Variants in ZNF14 observed in about 807,000 individuals in gnomAD.
The protein encoded by ZNF14 is gonadotropin inducible transcription repressor-4.
Under a neutral mutation model 11.3 loss-of-function variants are expected in ZNF14, and 9 were observed. The ratio of observed to expected loss-of-function variants is 0.80; its 90% CI spans 0.48 to 1.39. The LOEUF is 1.39. Among genes scored for constraint, ZNF14 ranks in the 40% most tolerant of loss-of-function variants. ZNF14 has a pLI of 0.00. For synonymous variants in ZNF14, 239 were observed against 245.7 expected, an observed-to-expected ratio of 0.97 and a Z score of 0.25; for missense variants, 711 against 763.9, an observed-to-expected ratio of 0.93 and a Z score of 0.82.
At chr19:19,714,809 T>C (rs1051507104) in intron 1 of ZNF14, among the ~76,000 whole-genome samples, 1 of 149,678 alleles carries the variant, frequency 6.7e-6, no homozygotes, top group African/African-American at 2.5e-5. Flanking sequence ...CCTCTGGAGC[T>C]CAAATGATTC....
rs2062366147 is a variant in ZNF14, at chr19:19,712,855, T to A, written c.426A>T (p.Lys142Asn). Residue 142 changes from lysine to asparagine, a missense_variant, in exon 4 of 4, where the codon AAA becomes AAT. Transcript: ENST00000344099. Reference sequence around the variant, plus strand: ...TGAAGGTTTTCCCAACTGCTTTACATTTACATGGTTGCTTTTCATATTCCT... The same window carrying A: ...TGAAGGTTTTCCCAACTGCTTTACAATTACATGGTTGCTTTTCATATTCCT... ...EYQEYEKQPCKCKAVGKTFSY... is the reference protein window; with the variant it reads ...EYQEYEKQPCNCKAVGKTFSY... 3.1e-6 allele frequency: 5 copies of A among 1,614,068 alleles called. No homozygotes were observed. In the East Asian group the frequency reaches 1.1e-4, roughly 36 times the overall value.
chr19:19,729,935 A>C (rs1223852085), intron 1 of ZNF14, among the ~76,000 whole-genome samples: 1 of 152,214 alleles, frequency 6.6e-6, no homozygotes, highest in East Asian at 1.9e-4. Flanking sequence ...AAACTGAATG[A>C]ACAGACACAG....
rs1469120610 is a variant in ZNF14 at position 19,714,064 on chromosome 19, C to A, written c.191+27G>T. 3 of 1,606,304 alleles carry A rather than the reference C, an allele frequency of 1.9e-6. No homozygotes were observed. The Middle Eastern group carries it at 5.0e-4, about 266-fold the overall frequency. On this transcript the variant is annotated intron_variant, in intron 3 of 3. Coordinates refer to ENST00000344099, the MANE Select transcript of ZNF14 (RefSeq NM_021030.3). The stretch of plus-strand genomic sequence containing the variant: ...TTTCTTTTGAAATTCCCCCACGGGC[C>A]ACTATTTTTCTGTGGATGCAACTCA...
chr19:19,711,215 C>A lies in ZNF14; in HGVS notation c.*137G>T. ...TGTTTCTCACCAGTGGGAATTCTTT[C>A]GTGCTCAAAAGAAACTGGAACAATT... On this transcript the variant is annotated 3_prime_UTR_variant, in exon 4 of 4. Transcript: ENST00000344099. 2 of 956,260 alleles carry A rather than the reference C, an allele frequency of 2.1e-6. No homozygotes were observed. Among genetic ancestry groups the A allele is most frequent in the Non-Finnish European group, 3.0e-6 (2 of 677,896 alleles). 59.2% of individuals were successfully genotyped at this position (956,260 alleles called of 1,614,324 possible).
rs897991334 is a variant in ZNF14, at chr19:19,728,915, C to G, written c.3+4041G>C. On this transcript the variant is annotated intron_variant, in intron 1 of 3. Transcript: ENST00000344099. ...AAACTTATTTGACAGAACCACAATT[C>G]TTTGACAGAACTAAAAAAATCCTCA... Among the ~76,000 whole-genome samples, 8 of 152,100 alleles carry G rather than the reference C, an allele frequency of 5.3e-5. No homozygotes were observed. In the East Asian group the frequency reaches 1.5e-3, roughly 29 times the overall value.
chr19:19,713,205 C>T (rs1393486683), intron 3 of ZNF14, 116 bp from the exon 4 acceptor site: 2 of 959,524 alleles, frequency 2.1e-6, no homozygotes, highest in East Asian at 5.3e-5. Flanking sequence ...TCTGCCCTGT[C>T]TGAATTGTTT....
At chr19:19,727,477 A>AACTACTACAACAACTACTACT (rs2062409550) in intron 1 of ZNF14, among the ~76,000 whole-genome samples, 1 of 131,576 alleles carries the variant, frequency 7.6e-6, no homozygotes, top group African/African-American at 2.8e-5. Context: ...CAGATACAAC[A>AACTACTACAACAACTACTACT]ACTACTACTA....
chr19:19,711,904 T>C lies in ZNF14; in HGVS notation c.1377A>G (p.Ser459=), dbSNP rs751193992. 1.2e-6 allele frequency: 2 copies of C among 1,613,860 alleles called. No individual in the cohort carries two copies. The highest frequency in any genetic ancestry group is 3.3e-5 in the Admixed American group (2 of 59,994). The change falls in exon 4 of 4, where the codon TCA becomes TCG. Residue 459 remains serine, a synonymous_variant. Transcript: ENST00000344099. Reference sequence around the variant, plus strand: ...ACCTTTCATGAATTCGAAAATAACTTGAACACCTGAAGGCTTTCCCACACT... The same window carrying C: ...ACCTTTCATGAATTCGAAAATAACTCGAACACCTGAAGGCTTTCCCACACT... The part of the protein sequence containing the change: ...CKQCGKAFRC[S]SYFRIHERSH...
Position 19,730,278 on chromosome 19 carries a change from C to T in ZNF14, c.3+2678G>A, listed in dbSNP as rs369898134. Among the ~76,000 whole-genome samples, 41 of 152,120 alleles carry T rather than the reference C, an allele frequency of 2.7e-4. 1 individual carries two copies. In the South Asian group the frequency reaches 5.8e-3, roughly 22 times the overall value. ...CTTACCTCAGGTGATCCGCCCGCCT[C>T]GGCCTCCCAAAGTGCTGGGATTACA... On this transcript the variant is annotated intron_variant, in intron 1 of 3. Transcript: ENST00000344099.
At chr19:19,728,515 C>CAAAAAAAA (rs56355771) in intron 1 of ZNF14, among the ~76,000 whole-genome samples, 2 of 53,896 alleles carry the variant, frequency 3.7e-5, no homozygotes, top group Non-Finnish European at 6.8e-5. Context: ...AACTCCGTCT[C>CAAAAAAAA]AAAAAAAAAA....
At chr19:19,725,502 C>T (rs1737261591) in intron 1 of ZNF14, among the ~76,000 whole-genome samples, 1 of 133,698 alleles carries the variant, frequency 7.5e-6, no homozygotes, top group African/African-American at 2.8e-5. Context: ...CTCTGGCTGC[C>T]CTTAACATTT....
Position 19,725,274 on chromosome 19 carries a change from G to C in ZNF14, c.3+7682C>G, listed in dbSNP as rs1045930279. ...CAGGAGCTCTTTTAGGGCAGGCCTG[G>C]TGGTGACAAAATCTCTCAGCATTTG... On this transcript the variant is annotated intron_variant, in intron 1 of 3. Coordinates refer to ENST00000344099, the MANE Select transcript of ZNF14 (RefSeq NM_021030.3). Among the ~76,000 whole-genome samples, 10 of 133,310 alleles carry C rather than the reference G, an allele frequency of 7.5e-5. 3 individuals are homozygous for C. The highest frequency in any genetic ancestry group is 2.8e-4 in the African/African-American group (10 of 35,986). The allele number at this position is 133,310 out of a possible 152,430, so 87.5% of individuals were successfully genotyped here. A position where few individuals can be genotyped will look rare whatever the true frequency, so the allele number is the denominator to read the frequency against.
At chr19:19,730,720 T>C (rs2062420877) in intron 1 of ZNF14, among the ~76,000 whole-genome samples, 1 of 151,878 alleles carries the variant, frequency 6.6e-6, no homozygotes, top group Admixed American at 6.6e-5. Context: ...CGAGACCAGC[T>C]TGATTAACAT....
chr19:19,713,255 C>G (rs1276007481), intron 3 of ZNF14, among the ~76,000 whole-genome samples, 166 bp from the exon 4 acceptor site: 1 of 152,118 alleles, frequency 6.6e-6, no homozygotes, highest in Admixed American at 6.6e-5. Flanking sequence ...AAGACTCAAC[C>G]ATAGTTATGA....
intron 1 of ZNF14, 30 bp downstream of exon 1, chr19:19,732,926 T>TC: frequency 6.2e-7 from 1 of 1,612,290 alleles, no homozygotes; most frequent in East Asian, 2.2e-5. Context: ...ACCAGAAACC[T>TC]CCCCTCGGAC....
At position 19,725,170 on chromosome 19, in the gene ZNF14, G is replaced by C. The variant is rs191284310; in HGVS notation, c.3+7786C>G. On this transcript the variant is annotated intron_variant, in intron 1 of 3. Coordinates refer to ENST00000344099, the MANE Select transcript of ZNF14 (RefSeq NM_021030.3). Reference sequence around the variant, plus strand: ...TGTTAGTTGATGCAGTTTCTTCCTAGCATCAACGGTCTTTACAATTTGGCA... The same window carrying C: ...TGTTAGTTGATGCAGTTTCTTCCTACCATCAACGGTCTTTACAATTTGGCA... Among the ~76,000 whole-genome samples, 496 of 133,708 alleles carry C rather than the reference G, an allele frequency of 3.7e-3. 104 individuals carry two copies. The highest frequency in any genetic ancestry group is 0.013 in the African/African-American group (476 of 36,144). 87.7% of individuals were successfully genotyped at this position (133,708 alleles called of 152,430 possible).
intron 1 of ZNF14, among the ~76,000 whole-genome samples, chr19:19,716,763 A>T (rs180822440): frequency 3.2e-4 from 49 of 152,348 alleles, no homozygotes; most frequent in Non-Finnish European, 6.0e-4. Flanking sequence ...ATTGAGGGTC[A>T]TAAGGCAAAG....
In ZNF14 at chr19:19,732,976, G is replaced by C. The variant is rs781381468; in HGVS notation, c.-18C>G. ...CTCACCATTTCCCAGCGTCCGGGAA[G>C]TCACGGTGTCCTCCCTACGGATCTG... On this transcript the variant is annotated 5_prime_UTR_variant, in exon 1 of 4. Transcript: ENST00000344099. 2.1e-5 allele frequency: 34 copies of C among 1,613,446 alleles called. No individual in the cohort carries two copies. Among genetic ancestry groups the C allele is most frequent in the Non-Finnish European group, 1.5e-5 (18 of 1,179,690 alleles).
At chr19:19,719,397 T>C (rs1296919437) in intron 1 of ZNF14, among the ~76,000 whole-genome samples, 5 of 152,164 alleles carry the variant, frequency 3.3e-5, no homozygotes, top group Admixed American at 3.3e-4. Flanking sequence ...ATTTGGTAAG[T>C]CCAGCTTATG....
Sources: gnomAD v4.1 joint callset for allele counts (sites outside exome capture counted in the v4.1 genomes callset) on GRCh38, gnomAD v4.1.1 for gene constraint, MANE v1.5 for transcripts, NCBI Gene and HGNC (gene_info 2026-07-23, HGNC 2026-07-21) for gene names.